The following IGFBP7 variants were observed in gnomAD, a reference collection of about 807,000 sequenced individuals.
IGFBP7 encodes insulin like growth factor binding protein 7.
A neutral mutation model predicts 29.4 loss-of-function variants in IGFBP7; 31 were observed. The observed-to-expected ratio is 1.05, with a 90% CI of 0.79 to 1.42. The LOEUF (loss-of-function observed/expected upper bound fraction) is 1.42, where lower values mean the gene tolerates loss of function less well. Among genes scored for constraint, IGFBP7 ranks in the 40% most tolerant of loss-of-function variants. IGFBP7 has a pLI of 0.00. For synonymous variants in IGFBP7, 172 were observed against 174.9 expected (o/e 0.98, Z 0.13); for missense variants, 393 against 395.5 (o/e 0.99, Z 0.05).
intron 1 of IGFBP7, among the ~76,000 whole-genome samples, chr4:57,089,705 G>A (rs1188797203): frequency 6.6e-6 from 1 of 152,180 alleles, no homozygotes; most frequent in East Asian, 1.9e-4. Context: ...CTCAGCCCCA[G>A]TGTCCACCAC....
intron 1 of IGFBP7, among the ~76,000 whole-genome samples, chr4:57,048,568 G>T (rs776310414): frequency 6.6e-6 from 1 of 152,200 alleles, no homozygotes; most frequent in African/African-American, 2.4e-5. Context: ...CAAATATCAT[G>T]AGGAAAAGAC....
intron 1 of IGFBP7, among the ~76,000 whole-genome samples, chr4:57,075,829 A>ATCTG (rs1725209343): frequency 6.6e-6 from 1 of 152,194 alleles, no homozygotes; most frequent in South Asian, 2.1e-4. Flanking sequence ...CTACCTGAAT[A>ATCTG]TCTGTGTATG....
At chr4:57,047,297 A>C (rs1029758195) in intron 1 of IGFBP7, among the ~76,000 whole-genome samples, 2 of 152,120 alleles carry the variant, frequency 1.3e-5, no homozygotes, top group Admixed American at 1.3e-4. Context: ...GCCATGTAAG[A>C]TGTGACTTTG....
At chr4:57,105,135 C>A (rs1725992187) in intron 1 of IGFBP7, among the ~76,000 whole-genome samples, 1 of 152,168 alleles carries the variant, frequency 6.6e-6, no homozygotes, top group African/African-American at 2.4e-5. Flanking sequence ...ACTCAGGGCC[C>A]AAGGCCTTGC....
At chr4:57,072,947 A>G in intron 1 of IGFBP7, 1 of 795,876 alleles carries the variant, frequency 1.3e-6, no homozygotes, top group South Asian at 1.3e-5. Context: ...GGACATCCTG[A>G]AGGACAAGTG....
At chr4:57,049,208 A>G (rs1472744488) in intron 1 of IGFBP7, among the ~76,000 whole-genome samples, 1 of 152,184 alleles carries the variant, frequency 6.6e-6, no homozygotes, top group Non-Finnish European at 1.5e-5. Flanking sequence ...CATCTGAAAG[A>G]GCTGTGTAGA....
At chr4:57,103,935 T>A (rs571137536) in intron 1 of IGFBP7, among the ~76,000 whole-genome samples, 12 of 152,196 alleles carry the variant, frequency 7.9e-5, no homozygotes, top group African/African-American at 2.4e-4. Flanking sequence ...GGACAATAGA[T>A]CTCTTGAGCT....
chr4:57,044,080 T>C (rs568922495), intron 1 of IGFBP7, among the ~76,000 whole-genome samples: 307 of 152,268 alleles, frequency 2.0e-3, no homozygotes, highest in Middle Eastern at 6.8e-3. Context: ...GAGGGGGAGC[T>C]CGGGAACAAA....
At chr4:57,033,366 G>T in intron 2 of IGFBP7, 55 bp from the exon 3 acceptor site, 1 of 1,166,520 alleles carries the variant, frequency 8.6e-7, no homozygotes, top group South Asian at 1.2e-5. Context: ...TCATCTACTT[G>T]GAAGTGGCCA....
At chr4:57,102,321 G>A (rs989823913) in intron 1 of IGFBP7, among the ~76,000 whole-genome samples, 1 of 152,178 alleles carries the variant, frequency 6.6e-6, no homozygotes, top group African/African-American at 2.4e-5. Context: ...ATTTCAGGAT[G>A]TTAACAAATG....
At chr4:57,089,680 A>C (rs961575993) in intron 1 of IGFBP7, among the ~76,000 whole-genome samples, 18 of 152,198 alleles carry the variant, frequency 1.2e-4, no homozygotes, top group African/African-American at 4.1e-4. Flanking sequence ...TATGGCAGAC[A>C]ATGTAGCCGG....
intron 1 of IGFBP7, among the ~76,000 whole-genome samples, chr4:57,064,878 TTGGC>T (rs1257752136): frequency 1.3e-5 from 2 of 152,230 alleles, no homozygotes; most frequent in Non-Finnish European, 2.9e-5. Flanking sequence ...CTGTTCTCAA[TTGGC>T]TGGCTACCAT....
chr4:57,055,724 C>T (rs1288523786), intron 1 of IGFBP7, among the ~76,000 whole-genome samples: 1 of 152,142 alleles, frequency 6.6e-6, no homozygotes, highest in Non-Finnish European at 1.5e-5. Context: ...TTCTGCCCTC[C>T]TCATTCCTGC....
chr4:57,057,498 T>C (rs904637725), intron 1 of IGFBP7, among the ~76,000 whole-genome samples: 1 of 152,350 alleles, frequency 6.6e-6, no homozygotes, highest in Middle Eastern at 3.4e-3. Context: ...GAAAATAATT[T>C]CCTCATAAAA....
intron 1 of IGFBP7, among the ~76,000 whole-genome samples, chr4:57,050,294 G>T (rs1323315873): frequency 1.3e-5 from 2 of 150,440 alleles, no homozygotes; most frequent in Admixed American, 1.3e-4. Context: ...GCTCAGGCAG[G>T]AGTGAAGTTG....
In IGFBP7 at chr4:57,099,258, T is replaced by C. The variant is rs183866048; in HGVS notation, c.475+10619A>G. On this transcript the variant is annotated intron_variant, in intron 1 of 4. Transcript: ENST00000295666. ...TCAGCTGCCTTTCTGCCTGTAAGAA[T>C]ATGAAAGCCCTCTTTTTTCTTCTCC... is the stretch of plus-strand genomic sequence containing the variant. Among the ~76,000 whole-genome samples, 777 of 152,298 alleles carry C rather than the reference T, an allele frequency of 5.1e-3. 8 individuals are homozygous for C. The highest frequency in any genetic ancestry group is 5.1e-3 in the Non-Finnish European group (346 of 68,026).
intron 1 of IGFBP7, among the ~76,000 whole-genome samples, chr4:57,065,286 G>A (rs1250907830): frequency 1.3e-5 from 2 of 152,232 alleles, no homozygotes; most frequent in African/African-American, 2.4e-5. Context: ...CCATCTTCCT[G>A]TGTTCTCTGC....
intron 1 of IGFBP7, among the ~76,000 whole-genome samples, chr4:57,053,548 C>T (rs1724568259): frequency 6.6e-6 from 1 of 152,118 alleles, no homozygotes; most frequent in African/African-American, 2.4e-5. Context: ...CTCTGGTAAC[C>T]ATGTGATAGA....
chr4:57,032,327 TTCA>T, intron 4 of IGFBP7, 96 bp downstream of exon 4: 1 of 1,516,462 alleles, frequency 6.6e-7, no homozygotes, highest in Non-Finnish European at 8.8e-7. Flanking sequence ...ACTACAGAAT[TTCA>T]TCAATAGCTA....
Sources: allele counts gnomAD v4.1 joint callset (sites outside exome capture counted in the v4.1 genomes callset), GRCh38; gene constraint gnomAD v4.1.1; transcripts MANE v1.5; gene names NCBI Gene and HGNC (gene_info 2026-07-23, HGNC 2026-07-21).